RAB30: variants seen among roughly 807,000 people sequenced by gnomAD.
RAB30 encodes the protein ras-related protein Rab-30.
A neutral mutation model predicts 25.1 loss-of-function variants in RAB30; 9 were observed. That is an observed-to-expected ratio of 0.36 (90% CI 0.22 to 0.63). The LOEUF is 0.63. Ranked by LOEUF, RAB30 falls within the 20% of genes least tolerant of loss-of-function variation. The probability of loss-of-function intolerance (pLI) is 0.69; values close to 1 mark genes in which losing one functional copy is unlikely to be tolerated. For missense variants in RAB30, 140 were observed against 243.5 expected, an observed-to-expected ratio of 0.58 and a Z score of 2.83; for synonymous variants, 77 against 86.4, an observed-to-expected ratio of 0.89 and a Z score of 0.60.
intron 4 of RAB30, among the ~76,000 whole-genome samples, chr11:82,986,093 T>C (rs146340662): frequency 6.6e-6 from 1 of 152,220 alleles, no homozygotes; most frequent in Non-Finnish European, 1.5e-5. Context: ...AAGGAATTGT[T>C]AACATATTTT....
chr11:83,019,813 T>C (rs1339549400), intron 1 of RAB30, among the ~76,000 whole-genome samples: 1 of 152,236 alleles, frequency 6.6e-6, no homozygotes, highest in Non-Finnish European at 1.5e-5. Context: ...AATGGAATGA[T>C]TCAGATAGAT....
chr11:83,063,081 G>A (rs1395740283), intron 1 of RAB30, among the ~76,000 whole-genome samples: 1 of 151,998 alleles, frequency 6.6e-6, no homozygotes, highest in Non-Finnish European at 1.5e-5. Context: ...AGCCACAGTG[G>A]CTAAAGAGTG....
At chr11:83,044,323 G>T (rs1349241781) in intron 1 of RAB30, among the ~76,000 whole-genome samples, 2 of 152,126 alleles carry the variant, frequency 1.3e-5, no homozygotes, top group African/African-American at 4.8e-5. Flanking sequence ...TCCCTCAAGG[G>T]ATATGCAGCA....
intron 1 of RAB30, among the ~76,000 whole-genome samples, chr11:83,046,286 G>A (rs1251988752): frequency 6.6e-6 from 1 of 152,174 alleles, no homozygotes; most frequent in Non-Finnish European, 1.5e-5. Flanking sequence ...TATGCAAGGT[G>A]AGTGGACACT....
intron 1 of RAB30, among the ~76,000 whole-genome samples, chr11:83,070,311 T>G (rs1858805392): frequency 6.6e-6 from 1 of 152,238 alleles, no homozygotes; most frequent in African/African-American, 2.4e-5. Flanking sequence ...TACAATGGAC[T>G]GTCCTTTGCA....
At chr11:82,983,552 C>T (rs1424088420) in intron 4 of RAB30, among the ~76,000 whole-genome samples, 2 of 152,152 alleles carry the variant, frequency 1.3e-5, no homozygotes, top group Non-Finnish European at 2.9e-5. Flanking sequence ...CCACCTCAGC[C>T]TCCCAAGTAG....
At chr11:83,066,695 C>T (rs542487493) in intron 1 of RAB30, among the ~76,000 whole-genome samples, 1 of 152,250 alleles carries the variant, frequency 6.6e-6, no homozygotes, top group Admixed American at 6.5e-5. Flanking sequence ...GGACTACAGG[C>T]ATGCACCACT....
intron 4 of RAB30, among the ~76,000 whole-genome samples, chr11:82,985,031 G>A (rs1416704022): frequency 3.3e-5 from 5 of 152,142 alleles, no homozygotes; most frequent in Admixed American, 2.0e-4. Flanking sequence ...AGGCTGGAGT[G>A]CAGTGGTGCA....
In RAB30 at chr11:82,977,397, A is replaced by G. The variant is rs1856563204; in HGVS notation, c.*4768T>C. The G allele has an allele frequency of 6.6e-6, 1 of 152,192 alleles. No homozygotes were observed. The highest frequency in any genetic ancestry group is 1.5e-5 in the Non-Finnish European group (1 of 68,022). 9.4% of individuals were successfully genotyped at this position (152,192 alleles called of 1,614,324 possible). A position where few individuals can be genotyped will look rare whatever the true frequency, so the allele number is the denominator to read the frequency against. Reference sequence around the variant, plus strand: ...TGAATTAACAGATATTTAATTGAACATGTTATGAGAGGCAAAGTACTACAT... The same window carrying G: ...TGAATTAACAGATATTTAATTGAACGTGTTATGAGAGGCAAAGTACTACAT... On this transcript the variant is annotated 3_prime_UTR_variant, in exon 5 of 5. Transcript: ENST00000527633.
chr11:82,984,747 T>C (rs1391069988), intron 4 of RAB30, among the ~76,000 whole-genome samples: 1 of 152,090 alleles, frequency 6.6e-6, no homozygotes, highest in Non-Finnish European at 1.5e-5. Flanking sequence ...CGACTTCCCA[T>C]TGAAAAGAAA....
In RAB30 at chr11:82,973,407, C is replaced by T. The variant is rs1856487461; in HGVS notation, c.*8758G>A. ...AAAAGACAGACAATATATAAAATAA[C>T]TTACATATTTAAAATGCTACTTCAT... On this transcript the variant is annotated 3_prime_UTR_variant, in exon 5 of 5. Coordinates refer to ENST00000527633, the MANE Select transcript of RAB30 (RefSeq NM_001286060.2). 6.6e-6 allele frequency: 1 copy of T among 152,050 alleles called. No homozygotes were observed. Among genetic ancestry groups the T allele is most frequent in the African/African-American group, 2.4e-5 (1 of 41,406 alleles). 9.4% of individuals were successfully genotyped at this position (152,050 alleles called of 1,614,324 possible).
At chr11:82,994,969 C>A (rs1410255707) in intron 2 of RAB30, among the ~76,000 whole-genome samples, 1 of 152,140 alleles carries the variant, frequency 6.6e-6, no homozygotes, top group Non-Finnish European at 1.5e-5. Context: ...AAACAAAATG[C>A]TTTACTTCAA....
intron 1 of RAB30, 84 bp from the exon 2 acceptor site, chr11:82,997,408 G>C (rs1856982142): frequency 1.0e-6 from 1 of 970,760 alleles, no homozygotes; most frequent in Non-Finnish European, 1.6e-6. Context: ...TTCTCTCCGG[G>C]GGAACAGGTC....
At chr11:83,001,638 T>C (rs190917981) in intron 1 of RAB30, among the ~76,000 whole-genome samples, 5 of 152,350 alleles carry the variant, frequency 3.3e-5, no homozygotes, top group Admixed American at 3.3e-4. Context: ...CACAAGATTA[T>C]CTGCAAACTT....
chr11:83,005,959 A>T (rs183133047), intron 1 of RAB30, among the ~76,000 whole-genome samples: 21 of 140,528 alleles, frequency 1.5e-4, no homozygotes, highest in Admixed American at 7.5e-4. Context: ...TTTTTTTTTA[A>T]AAAACTGATC....
chr11:83,018,149 A>G (rs945211234), intron 1 of RAB30, among the ~76,000 whole-genome samples: 2 of 152,072 alleles, frequency 1.3e-5, no homozygotes, highest in Non-Finnish European at 2.9e-5. Flanking sequence ...AAATACAAAA[A>G]TTAGCTGGGC....
intron 1 of RAB30, among the ~76,000 whole-genome samples, chr11:83,068,123 CA>C (rs35256261): frequency 0.57 from 66,077 of 115,164 alleles, 16,115 homozygotes; most frequent in African/African-American, 0.61. Context: ...GACTCTGTCT[CA>C]AAAAAAAAAA....
chr11:83,027,328 G>T (rs563215824), intron 1 of RAB30, among the ~76,000 whole-genome samples: 1 of 152,108 alleles, frequency 6.6e-6, no homozygotes, highest in Non-Finnish European at 1.5e-5. Flanking sequence ...CGTGGATGAG[G>T]GGGAAACATA....
intron 1 of RAB30, among the ~76,000 whole-genome samples, chr11:83,024,706 G>A (rs1448243834): frequency 6.6e-6 from 1 of 152,200 alleles, no homozygotes; most frequent in East Asian, 1.9e-4. Context: ...GCTGTTTCCA[G>A]AATTGTGTGT....
Sources: gnomAD v4.1 joint callset for allele counts (sites outside exome capture counted in the v4.1 genomes callset) on GRCh38, gnomAD v4.1.1 for gene constraint, MANE v1.5 for transcripts, NCBI Gene and HGNC (gene_info 2026-07-23, HGNC 2026-07-21) for gene names.